ZC3H12B: variants seen among roughly 807,000 people sequenced by gnomAD.
ZC3H12B encodes the protein zinc finger CCCH-type containing 12B, also known as probable ribonuclease ZC3H12B.
ZC3H12B carries 7 observed loss-of-function variants against 43.9 expected under a neutral mutation model. That is an observed-to-expected ratio of 0.16 (90% confidence interval 0.09 to 0.30). ZC3H12B has a LOEUF of 0.30. Ranked by LOEUF, ZC3H12B falls within the 10% of genes least tolerant of loss-of-function variation. ZC3H12B has a pLI of 1.00. For synonymous variants in ZC3H12B, 222 were observed against 241.7 expected, an observed-to-expected ratio of 0.92 and a Z score of 0.76; for missense variants, 475 against 670.2, an observed-to-expected ratio of 0.71 and a Z score of 3.22.
At chrX:65,212,754 A>G in the ZC3H12B span, among the ~76,000 whole-genome samples, 1 of 96,428 alleles carries the variant, frequency 1.0e-5, no homozygotes, top group Admixed American at 1.3e-4. Context: ...TGTTTCTCTT[A>G]ACGTTTTTCT....
At chrX:65,148,292 G>T in the ZC3H12B span, among the ~76,000 whole-genome samples, 2 of 111,440 alleles carry the variant, frequency 1.8e-5, no homozygotes, top group Non-Finnish European at 3.8e-5. Context: ...GTGAGGGATG[G>T]CATAATGCTC....
At chrX:65,228,830 C>A in the ZC3H12B span, among the ~76,000 whole-genome samples, 1 of 111,383 alleles carries the variant, frequency 9.0e-6, no homozygotes, top group Admixed American at 9.6e-5. Context: ...TTACAACAGA[C>A]GTGAAGGACC....
At chrX:65,295,628 A>T in the ZC3H12B span, among the ~76,000 whole-genome samples, 1 of 111,972 alleles carries the variant, frequency 8.9e-6, no homozygotes, top group Non-Finnish European at 1.9e-5. Context: ...TGGTTCTTTG[A>T]AAAGATAAAC....
At chrX:65,108,247 A>G in the ZC3H12B span, among the ~76,000 whole-genome samples, 1 of 111,412 alleles carries the variant, frequency 9.0e-6, no homozygotes. Context: ...TAATAAATTA[A>G]CCTTTGCTTA....
chrX:65,500,516 T>A (rs1569426714), intron 4 of ZC3H12B, among the ~76,000 whole-genome samples: 1 of 111,705 alleles, frequency 9.0e-6, no homozygotes, highest in African/African-American at 3.3e-5. Flanking sequence ...CAACCTCCGC[T>A]TCCCGGGTTT....
chrX:65,201,818 T>C, the ZC3H12B span, among the ~76,000 whole-genome samples: 1 of 107,403 alleles, frequency 9.3e-6, no homozygotes, highest in Non-Finnish European at 1.9e-5. Flanking sequence ...TGACAGGTAA[T>C]TGAATCATAG....
the ZC3H12B span, among the ~76,000 whole-genome samples, chrX:65,180,587 T>C: frequency 4.5e-5 from 5 of 111,554 alleles, no homozygotes; most frequent in Admixed American, 1.9e-4. Context: ...AGAATCAATG[T>C]GCAAAAATCA....
chrX:65,412,392 T>C (rs984587907), intron 3 of ZC3H12B, among the ~76,000 whole-genome samples: 28 of 112,384 alleles, frequency 2.5e-4, no homozygotes, highest in African/African-American at 8.7e-4. Flanking sequence ...CATCCTTTGA[T>C]GAATATTTTG....
chrX:65,414,885 G>C (rs892105061), intron 3 of ZC3H12B, among the ~76,000 whole-genome samples: 2 of 112,161 alleles, frequency 1.8e-5, no homozygotes, highest in African/African-American at 6.5e-5. Context: ...TTGACAAAGA[G>C]TCAAACTCGT....
the ZC3H12B span, among the ~76,000 whole-genome samples, chrX:65,187,571 T>C: frequency 9.0e-6 from 1 of 111,105 alleles, no homozygotes; most frequent in Non-Finnish European, 1.9e-5. Context: ...GTCAAGTCTA[T>C]GGTAGAATGA....
At chrX:65,154,690 A>C in the ZC3H12B span, among the ~76,000 whole-genome samples, 1 of 111,131 alleles carries the variant, frequency 9.0e-6, no homozygotes, top group Non-Finnish European at 1.9e-5. Context: ...TCTCTACAAA[A>C]ATAAAAGAAT....
chrX:65,452,892 T>A (rs1271265227), intron 3 of ZC3H12B, among the ~76,000 whole-genome samples: 4 of 101,790 alleles, frequency 3.9e-5, no homozygotes, highest in Non-Finnish European at 7.7e-5. Flanking sequence ...TGTTCATGGA[T>A]GGGTAAAATC....
At chrX:65,156,223 G>C in the ZC3H12B span, among the ~76,000 whole-genome samples, 1 of 110,478 alleles carries the variant, frequency 9.1e-6, no homozygotes, top group African/African-American at 3.3e-5. Flanking sequence ...ACAGGGTCTT[G>C]CTGTGTCACC....
the ZC3H12B span, among the ~76,000 whole-genome samples, chrX:65,296,135 T>A: frequency 8.9e-6 from 1 of 111,970 alleles, no homozygotes; most frequent in Non-Finnish European, 1.9e-5. Context: ...AACGAATGAA[T>A]AAATAAATGC....
At chrX:65,254,367 C>A in the ZC3H12B span, among the ~76,000 whole-genome samples, 1 of 112,408 alleles carries the variant, frequency 8.9e-6, no homozygotes, top group African/African-American at 3.2e-5. Flanking sequence ...GGTTTCTAAT[C>A]TTAAGGAGCT....
chrX:65,265,684 A>G, the ZC3H12B span, among the ~76,000 whole-genome samples: 1 of 111,938 alleles, frequency 8.9e-6, no homozygotes, highest in African/African-American at 3.2e-5. Context: ...TTAATGTCGA[A>G]GATATTAAGT....
chrX:65,316,642 G>A, the ZC3H12B span, among the ~76,000 whole-genome samples: 1 of 111,579 alleles, frequency 9.0e-6, no homozygotes, highest in African/African-American at 3.3e-5. Flanking sequence ...TAAAGTCCTT[G>A]AGAGTGCTAA....
chrX:65,312,281 G>T, the ZC3H12B span, among the ~76,000 whole-genome samples: 5 of 111,905 alleles, frequency 4.5e-5, no homozygotes, highest in African/African-American at 1.3e-4. Context: ...AGGCTGGAAT[G>T]GTGAGTTGCA....
chrX:65,266,428 C>A, the ZC3H12B span, among the ~76,000 whole-genome samples: 1 of 112,023 alleles, frequency 8.9e-6, no homozygotes, highest in Non-Finnish European at 1.9e-5. Flanking sequence ...CTGGAAATAG[C>A]AAATTAGGAA....
Sources: gnomAD v4.1 joint callset for allele counts (sites outside exome capture counted in the v4.1 genomes callset) on GRCh38, gnomAD v4.1.1 for gene constraint, MANE v1.5 for transcripts, NCBI Gene and HGNC (gene_info 2026-07-23, HGNC 2026-07-21) for gene names.